The following OSER1 variants were observed in gnomAD, a reference collection of about 807,000 sequenced individuals.
OSER1 encodes oxidative stress-responsive serine-rich protein 1.
Under a neutral mutation model 26.3 loss-of-function variants are expected in OSER1, and 15 were observed. The observed-to-expected ratio is 0.57, with a 90% CI of 0.38 to 0.88. OSER1 has a LOEUF of 0.88. OSER1 is among the 40% of genes least tolerant of loss of function. The pLI, the probability that OSER1 is intolerant of heterozygous loss-of-function variation, is 0.00. For missense variants in OSER1, 313 were observed against 353.9 expected, an observed-to-expected ratio of 0.88 and a Z score of 0.93; for synonymous variants, 127 against 128.2, an observed-to-expected ratio of 0.99 and a Z score of 0.07.
At chr20:44,208,928 C>T (rs535173224) in intron 1 of OSER1, among the ~76,000 whole-genome samples, 1 of 152,288 alleles carries the variant, frequency 6.6e-6, no homozygotes, top group African/African-American at 2.4e-5. Context: ...CACTGCTGAA[C>T]CCTACAGGCA....
chr20:44,199,779 G>T (rs2072961987), intron 3 of OSER1, among the ~76,000 whole-genome samples: 1 of 152,206 alleles, frequency 6.6e-6, no homozygotes, highest in Non-Finnish European at 1.5e-5. Context: ...TGGAAGACAT[G>T]AACAAAAACG....
rs1281960646 is a variant in OSER1 at position 44,206,977 on chromosome 20, C to T, written c.-20G>A. 2 of 1,584,504 alleles carry T rather than the reference C, an allele frequency of 1.3e-6. No individual in the cohort carries two copies. Among genetic ancestry groups the T allele is most frequent in the African/African-American group, 2.7e-5 (2 of 74,216 alleles). On this transcript the variant is annotated 5_prime_UTR_variant, in exon 2 of 4. Coordinates refer to ENST00000255174, the MANE Select transcript of OSER1 (RefSeq NM_016470.8). The stretch of plus-strand genomic sequence containing the variant: ...TTTCATTGTGCAAGTTTTTACACTA[C>T]TTATCGATGTTCCTGTTTACACTAA...
chr20:44,203,761 C>A (rs1179408578), intron 2 of OSER1, among the ~76,000 whole-genome samples: 2 of 150,338 alleles, frequency 1.3e-5, no homozygotes, highest in East Asian at 3.9e-4. Flanking sequence ...ATGGTGTTGA[C>A]AAAAATTCTT....
rs747262300 is a variant in OSER1, at chr20:44,197,207, G to A, written c.724C>T (p.His242Tyr). The part of the protein sequence containing the change: ...STLEDYSQSL[H>Y]ARTLSGSPRS... ...GGAGAGCCAGACAGAGTTCTGGCGT[G>A]CAGCGACTGAGAGTAGTCCTCAAGT... is the stretch of plus-strand genomic sequence containing the variant. The change falls in exon 4 of 4, where the codon CAC (histidine) becomes TAC (tyrosine). Residue 242 changes from histidine (H) to tyrosine (Y), a missense_variant. By Grantham distance (83) the His-to-Tyr change is moderately conservative. Coordinates refer to ENST00000255174, the MANE Select transcript of OSER1 (RefSeq NM_016470.8). The A allele has an allele frequency of 6.2e-7, 1 of 1,614,230 alleles. No individual in the cohort carries two copies. The highest frequency in any genetic ancestry group is 8.5e-7 in the Non-Finnish European group (1 of 1,180,008).
Position 44,197,487 on chromosome 20 carries a change from C to T in OSER1, c.444G>A (p.Glu148=), listed in dbSNP as rs1301520961. 2 of 1,614,170 alleles carry T rather than the reference C, an allele frequency of 1.2e-6. No individual in the cohort carries two copies. The highest frequency in any genetic ancestry group is 2.2e-5 in the South Asian group (2 of 91,084). Residue 148 remains glutamate (E), a synonymous_variant, in exon 4 of 4, where the codon GAG becomes GAA. Coordinates refer to ENST00000255174, the MANE Select transcript of OSER1 (RefSeq NM_016470.8). ...LDANHTGAVV[E]PLRTSVPRLP... is the part of the protein sequence containing the mutation. ...GCCTTGGAACAGAAGTTCTCAAAGG[C>T]TCAACGACTGCCCCTGTGTGATTAG...
intron 3 of OSER1, among the ~76,000 whole-genome samples, chr20:44,198,289 G>C (rs113881371): frequency 0.016 from 2,476 of 152,240 alleles, 25 homozygotes; most frequent in African/African-American, 0.037. Context: ...CAGATACTGG[G>C]AATTACTGGA....
At chr20:44,204,411 TATTTC>T (rs2073018671) in intron 2 of OSER1, among the ~76,000 whole-genome samples, 1 of 152,256 alleles carries the variant, frequency 6.6e-6, no homozygotes, top group African/African-American at 2.4e-5. Context: ...CCCCTTCTCT[TATTTC>T]ATTTTCTCAA....
At position 44,204,920 on chromosome 20, in the gene OSER1, G is replaced by A. The variant is rs375134958; in HGVS notation, c.78-1846C>T. Among the ~76,000 whole-genome samples, 20 of 151,608 alleles carry A rather than the reference G, an allele frequency of 1.3e-4. No individual in the cohort carries two copies. In the East Asian group the frequency reaches 2.5e-3, roughly 19 times the overall value. ...TGGCATGATCTCAGCTCACTCCAAC[G>A]TCCAGCTCCCGGGCTCAAGTGATCC... is the stretch of plus-strand genomic sequence containing the variant. On this transcript the variant is annotated intron_variant, in intron 2 of 3. Coordinates refer to ENST00000255174, the MANE Select transcript of OSER1 (RefSeq NM_016470.8).
chr20:44,199,342 G>A lies in OSER1; in HGVS notation c.192-1603C>T, dbSNP rs149234152. Reference sequence around the variant, plus strand: ...CAAGAACGGCTCTGTTATAAAAGCCGGTTTGGCTACTTCTCACGAGCCCCC... The same window carrying A: ...CAAGAACGGCTCTGTTATAAAAGCCAGTTTGGCTACTTCTCACGAGCCCCC... On this transcript the variant is annotated intron_variant, in intron 3 of 3. Transcript: ENST00000255174. 7.2e-4 allele frequency among the ~76,000 whole-genome samples: 109 copies of A among 152,220 alleles called. No homozygotes were observed. In the Middle Eastern group the frequency reaches 0.02, roughly 29 times the overall value.
upstream of OSER1, chr20:44,211,299 C>G (rs2073106664): frequency 1.3e-5 from 2 of 152,314 alleles, no homozygotes; most frequent in South Asian, 4.1e-4. Flanking sequence ...CTCTCCGGGA[C>G]TCGGACACCA....
At chr20:44,200,990 C>A (rs1480991231) in intron 3 of OSER1, among the ~76,000 whole-genome samples, 1 of 151,850 alleles carries the variant, frequency 6.6e-6, no homozygotes. Context: ...TCTTTCAAAA[C>A]CAAGGAAGAA....
intron 1 of OSER1, among the ~76,000 whole-genome samples, chr20:44,207,773 C>G (rs534861467): frequency 3.3e-5 from 5 of 151,996 alleles, no homozygotes; most frequent in Admixed American, 1.3e-4. Context: ...ATTGTGTAGA[C>G]GCACCACTAA....
intron 3 of OSER1, among the ~76,000 whole-genome samples, chr20:44,199,663 A>G (rs1302495896): frequency 6.6e-6 from 1 of 152,250 alleles, no homozygotes; most frequent in African/African-American, 2.4e-5. Flanking sequence ...GTGAAGAAGG[A>G]AAAACAAATT....
chr20:44,210,519 C>G (rs912725872), intron 1 of OSER1, among the ~76,000 whole-genome samples, 177 bp downstream of exon 1: 2 of 152,292 alleles, frequency 1.3e-5, no homozygotes, highest in East Asian at 3.9e-4. Context: ...CTCCAGCAGG[C>G]ACAGGCCGCG....
intron 1 of OSER1, 96 bp downstream of exon 1, chr20:44,210,600 G>C (rs1447820940): frequency 2.0e-5 from 3 of 152,378 alleles, no homozygotes; most frequent in African/African-American, 7.2e-5. Context: ...CGCGACCCAA[G>C]GCGGGCGGGC....
intron 2 of OSER1, among the ~76,000 whole-genome samples, chr20:44,204,901 G>A (rs2073023764): frequency 1.3e-5 from 2 of 151,828 alleles, no homozygotes; most frequent in African/African-American, 2.4e-5. Flanking sequence ...GCAGTGGCAT[G>A]ATCTCAGCTC....
chr20:44,206,441 A>C (rs2073038454), intron 2 of OSER1, among the ~76,000 whole-genome samples: 1 of 152,204 alleles, frequency 6.6e-6, no homozygotes, highest in Admixed American at 6.5e-5. Flanking sequence ...ACCCTCCTGA[A>C]TAGAGGTTTC....
At chr20:44,203,893 G>A (rs2145930917) in intron 2 of OSER1, among the ~76,000 whole-genome samples, 1 of 152,138 alleles carries the variant, frequency 6.6e-6, no homozygotes, top group Admixed American at 6.5e-5. Flanking sequence ...TCTAAATTAT[G>A]GCATATCTAT....
chr20:44,203,359 T>C (rs1430438357), intron 2 of OSER1, among the ~76,000 whole-genome samples: 2 of 152,170 alleles, frequency 1.3e-5, no homozygotes, highest in Non-Finnish European at 2.9e-5. Context: ...GATCAGGCCT[T>C]ATGGCCAGAG....
Sources: allele counts gnomAD v4.1 joint callset (sites outside exome capture counted in the v4.1 genomes callset), GRCh38; gene constraint gnomAD v4.1.1; transcripts MANE v1.5; gene names NCBI Gene and HGNC (gene_info 2026-07-23, HGNC 2026-07-21).